The following MCF2 variants were observed in gnomAD, a reference collection of about 807,000 sequenced individuals.
MCF2 encodes the protein MCF.2 cell line derived transforming sequence.
A neutral mutation model predicts 82.5 loss-of-function variants in MCF2; 44 were observed. That is an observed-to-expected ratio of 0.53 (90% CI 0.42 to 0.69). The LOEUF (loss-of-function observed/expected upper bound fraction) is 0.69, where lower values mean the gene tolerates loss of function less well. MCF2 is among the 30% of genes least tolerant of loss of function. MCF2 has a pLI of 0.00. For synonymous variants in MCF2, 217 were observed against 224.9 expected, an observed-to-expected ratio of 0.96 and a Z score of 0.32; for missense variants, 623 against 663.1, an observed-to-expected ratio of 0.94 and a Z score of 0.66.
At chrX:139,614,995 G>C (rs1931788146) in exon 10 of MCF2, 2 of 1,209,327 alleles carry the variant, frequency 1.7e-6, no homozygotes, top group Non-Finnish European at 2.2e-6. Flanking sequence ...CCAGCCTGCT[G>C]GTTCTCAAAT....
chrX:139,598,733 A>G (rs953314815), intron 16 of MCF2, among the ~76,000 whole-genome samples: 7 of 112,024 alleles, frequency 6.2e-5, no homozygotes, highest in Non-Finnish European at 1.3e-4. Context: ...CAAAGATTTA[A>G]AAGTTTTCAA....
At chrX:139,687,929 G>T (rs1041251569) in intron 1 of MCF2, among the ~76,000 whole-genome samples, 2 of 111,835 alleles carry the variant, frequency 1.8e-5, no homozygotes, top group Admixed American at 9.5e-5. Flanking sequence ...CCTACTCATG[G>T]TCTATTATAC....
At chrX:139,651,995 A>G (rs1388941754) in intron 1 of MCF2, among the ~76,000 whole-genome samples, 1 of 111,210 alleles carries the variant, frequency 9.0e-6, no homozygotes, top group African/African-American at 3.3e-5. Context: ...AGAACCAGTG[A>G]CCTACTTCTC....
At chrX:139,597,483 G>T in exon 18 of MCF2, 1 of 1,199,220 alleles carries the variant, frequency 8.3e-7, no homozygotes, top group South Asian at 1.8e-5. Context: ...ATTGCAATCT[G>T]ATGCATAGAA....
chrX:139,619,554 A>G, intron 7 of MCF2, 33 bp downstream of exon 10: 4 of 1,079,165 alleles, frequency 3.7e-6, no homozygotes, highest in Non-Finnish European at 5.1e-6. Flanking sequence ...ATTATACTGT[A>G]TAATATAGCA....
At chrX:139,699,926 G>C (rs1242501558) in intron 1 of MCF2, among the ~76,000 whole-genome samples, 1 of 112,162 alleles carries the variant, frequency 8.9e-6, no homozygotes, top group East Asian at 2.8e-4. Flanking sequence ...CATTTTGAAA[G>C]TATTCTCAGG....
At chrX:139,702,628 T>C (rs998803840) in intron 1 of MCF2, among the ~76,000 whole-genome samples, 1 of 112,423 alleles carries the variant, frequency 8.9e-6, no homozygotes, top group African/African-American at 3.2e-5. Context: ...CAAAGAACAA[T>C]TGGAGAAAAA....
intron 1 of MCF2, among the ~76,000 whole-genome samples, chrX:139,671,789 C>T (rs1177577175): frequency 2.7e-5 from 3 of 111,840 alleles, no homozygotes; most frequent in African/African-American, 9.8e-5. Flanking sequence ...ATTGTCTAGG[C>T]AATGGAGGCT....
At chrX:139,681,336 A>G (rs1934994208) in intron 1 of MCF2, among the ~76,000 whole-genome samples, 1 of 111,309 alleles carries the variant, frequency 9.0e-6, no homozygotes, top group Non-Finnish European at 1.9e-5. Flanking sequence ...GGCATTTATG[A>G]AAGGGCAGCT....
intron 1 of MCF2, among the ~76,000 whole-genome samples, chrX:139,653,197 G>T (rs1229622654): frequency 8.9e-6 from 1 of 111,782 alleles, no homozygotes; most frequent in African/African-American, 3.3e-5. Flanking sequence ...GTCACATATT[G>T]ACATTTTCAG....
chrX:139,583,731 A>G (rs1802353004), intron 24 of MCF2, among the ~76,000 whole-genome samples: 1 of 111,955 alleles, frequency 8.9e-6, no homozygotes, highest in Non-Finnish European at 1.9e-5. Context: ...AAAACCTTAC[A>G]CATGTACCTC....
At chrX:139,647,741 C>T (rs911167741), upstream of MCF2, among the ~76,000 whole-genome samples, 7 of 111,408 alleles carry the variant, frequency 6.3e-5, no homozygotes, top group Admixed American at 3.8e-4. Context: ...GGTTTCTACC[C>T]GTTTCTCCAC....
intron 2 of MCF2, among the ~76,000 whole-genome samples, chrX:139,651,185 G>A (rs1036334394): frequency 1.8e-5 from 2 of 110,675 alleles, no homozygotes; most frequent in African/African-American, 3.3e-5. Context: ...AAAATGATAA[G>A]TTGTATGTTA....
intron 16 of MCF2, among the ~76,000 whole-genome samples, chrX:139,601,893 G>A (rs1042269977): frequency 9.0e-6 from 1 of 110,788 alleles, no homozygotes; most frequent in Non-Finnish European, 1.9e-5. Flanking sequence ...GTAGAATAAC[G>A]ATAAGTATCT....
At chrX:139,669,071 C>A (rs1196475498) in intron 1 of MCF2, among the ~76,000 whole-genome samples, 1 of 111,388 alleles carries the variant, frequency 9.0e-6, no homozygotes, top group African/African-American at 3.3e-5. Context: ...CTTTGTGCTT[C>A]AAAAGATACT....
intron 7 of MCF2, among the ~76,000 whole-genome samples, chrX:139,618,999 G>A (rs750512167): frequency 9.0e-6 from 1 of 111,360 alleles, no homozygotes; most frequent in Non-Finnish European, 1.9e-5. Flanking sequence ...ATTTACTCAA[G>A]GTCACAGATA....
At chrX:139,702,145 T>G (rs1170661768) in intron 1 of MCF2, 1 of 112,300 alleles carries the variant, frequency 8.9e-6, no homozygotes, top group African/African-American at 3.2e-5. Context: ...TACTCCCATA[T>G]GCTCCATCCA....
intron 15 of MCF2, among the ~76,000 whole-genome samples, chrX:139,603,423 T>C (rs17342379): frequency 0.041 from 4,633 of 112,387 alleles, 116 homozygotes; most frequent in African/African-American, 0.088. Context: ...GCACAGTAAA[T>C]ATAAAATCTC....
intron 1 of MCF2, among the ~76,000 whole-genome samples, chrX:139,705,245 T>A (rs1013685447): frequency 9.0e-6 from 1 of 111,679 alleles, no homozygotes; most frequent in South Asian, 3.8e-4. Flanking sequence ...TCCAGGGGCA[T>A]AGGTTGCAGT....
Sources: gnomAD v4.1 joint callset for allele counts (sites outside exome capture counted in the v4.1 genomes callset) on GRCh38, gnomAD v4.1.1 for gene constraint, MANE v1.5 for transcripts, NCBI Gene and HGNC (gene_info 2026-07-23, HGNC 2026-07-21) for gene names.